PATJ: variants seen among roughly 807,000 people sequenced by gnomAD.
PATJ encodes inaD-like protein.
PATJ carries 190 observed loss-of-function variants against 224.9 expected under a neutral mutation model. That is an observed-to-expected ratio of 0.84 (90% CI 0.75 to 0.95). The LOEUF is 0.95. Ranked by LOEUF, PATJ falls within the 40% of genes least tolerant of loss-of-function variation. PATJ has a pLI of 0.00. For synonymous variants in PATJ, 769 were observed against 820.3 expected (o/e 0.94, Z 1.07); for missense variants, 2,121 against 2,270.3 (o/e 0.93, Z 1.34).
At chr1:61,783,428 T>TC (rs1196523322) in intron 7 of PATJ, among the ~76,000 whole-genome samples, 2 of 148,472 alleles carry the variant, frequency 1.3e-5, no homozygotes, top group Non-Finnish European at 3.0e-5. Context: ...CTTTTCTTTT[T>TC]TTTTTTTTTT....
At chr1:62,014,049 C>T (rs1646620098) in intron 28 of PATJ, among the ~76,000 whole-genome samples, 1 of 152,148 alleles carries the variant, frequency 6.6e-6, no homozygotes, top group African/African-American at 2.4e-5. Flanking sequence ...ACTGGGATTA[C>T]AGGCATGGGC....
At chr1:61,846,720 G>A (rs996869540) in intron 17 of PATJ, among the ~76,000 whole-genome samples, 10 of 152,052 alleles carry the variant, frequency 6.6e-5, no homozygotes, top group South Asian at 6.2e-4. Flanking sequence ...CCTCAGCCTC[G>A]CGAGTAGCTG....
intron 7 of PATJ, among the ~76,000 whole-genome samples, chr1:61,781,894 A>G (rs1033994851): frequency 2.0e-5 from 3 of 152,222 alleles, no homozygotes; most frequent in Admixed American, 6.5e-5. Flanking sequence ...TCCGCTCCCC[A>G]TGGAGTCATA....
At chr1:61,871,491 A>ACATATATATGTGTATACTATATG (rs1159325107) in intron 20 of PATJ, among the ~76,000 whole-genome samples, 1 of 112,856 alleles carries the variant, frequency 8.9e-6, no homozygotes, top group East Asian at 2.1e-4. Context: ...ATGTGTATAT[A>ACATATATATGTGTATACTATATG]TGTATATATA....
rs540543829 is a variant in PATJ at position 61,925,607 on chromosome 1, C to G, written c.3571-2123C>G. Among the ~76,000 whole-genome samples the G allele has an allele frequency of 2.6e-4, 39 of 152,272 alleles. No homozygotes were observed. In the South Asian group the frequency reaches 7.7e-3, roughly 30 times the overall value. ...GGCTTAAACAGCTCATGAATTGCAT[C>G]TCTGAGGCATCACAATTTAATTGGT... is the stretch of plus-strand genomic sequence containing the variant. On this transcript the variant is annotated intron_variant, in intron 26 of 43. Coordinates refer to ENST00000642238, the MANE Select transcript of PATJ (RefSeq NM_001350145.3).
At chr1:61,987,577 G>A (rs1277726602) in intron 27 of PATJ, among the ~76,000 whole-genome samples, 1 of 152,108 alleles carries the variant, frequency 6.6e-6, no homozygotes, top group Admixed American at 6.5e-5. Context: ...GGTCTTAAAT[G>A]GAGCCTCCTC....
In PATJ at chr1:61,864,578, G is replaced by A. The variant is rs776123818; in HGVS notation, c.2780G>A (p.Gly927Glu). 5.0e-6 allele frequency: 8 copies of A among 1,610,616 alleles called. No individual in the cohort carries two copies. The South Asian group carries it at 8.8e-5, about 18-fold the overall frequency. The change falls in exon 20 of 44, where the codon GGG becomes GAG. Residue 927 changes from glycine to glutamate, a missense_variant. Coordinates refer to ENST00000642238, the MANE Select transcript of PATJ (RefSeq NM_001350145.3). The stretch of plus-strand genomic sequence containing the variant: ...TCCGAGTCTCAAGAGGCAAGAACCG[G>A]GAGGACTGTCTATTCCCAGGAGGCA... Reference protein sequence around the residue: ...EPSESQEARTGRTVYSQEAQP... With the variant: ...EPSESQEARTERTVYSQEAQP...
intron 42 of PATJ, among the ~76,000 whole-genome samples, chr1:62,150,775 A>G (rs1349338792): frequency 2.6e-5 from 4 of 151,610 alleles, no homozygotes; most frequent in Non-Finnish European, 2.9e-5. Context: ...CAGCACTTTG[A>G]GAGGCCAAGG....
chr1:61,794,840 T>C (rs6664979), intron 9 of PATJ, among the ~76,000 whole-genome samples: 24,717 of 151,708 alleles, frequency 0.16, 2,434 homozygotes, highest in East Asian at 0.47. Flanking sequence ...TTACGAAAGT[T>C]ATCTGGGTGT....
At chr1:61,899,531 A>C (rs1670828350) in intron 22 of PATJ, 52 bp from the exon 23 acceptor site, 1 of 1,261,734 alleles carries the variant, frequency 7.9e-7, no homozygotes, top group South Asian at 1.3e-5. Flanking sequence ...AGGACCTTTA[A>C]TAATGAGTAT....
chr1:62,121,221 T>A lies in PATJ; in HGVS notation c.4931T>A (p.Phe1644Tyr), dbSNP rs1558196931. 6.2e-7 allele frequency: 1 copy of A among 1,614,002 alleles called. No individual in the cohort carries two copies. Among genetic ancestry groups the A allele is most frequent in the Middle Eastern group, 1.7e-4 (1 of 6,060 alleles). ...GCACACAGCAGCTGTCATCCCTCCT[T>A]CGCTCCTGTCATCACTGGCCTGCAA... Reference protein sequence around the residue: ...QSAHSSCHPSFAPVITGLQNL... With the variant: ...QSAHSSCHPSYAPVITGLQNL... Residue 1644 changes from phenylalanine (F) to tyrosine (Y), a missense_variant, in exon 38 of 44, where the codon TTC becomes TAC. By Grantham distance (22) the Phe-to-Tyr change is conservative. Transcript: ENST00000642238.
At chr1:61,746,040 G>A (rs1012081665) in intron 1 of PATJ, among the ~76,000 whole-genome samples, 18 of 151,986 alleles carry the variant, frequency 1.2e-4, no homozygotes, top group Non-Finnish European at 1.6e-4. Flanking sequence ...CTGGGTTCAA[G>A]CGATTGTCCT....
intron 33 of PATJ, among the ~76,000 whole-genome samples, chr1:62,100,572 A>T (rs115350099): frequency 0.014 from 2,091 of 152,338 alleles, 44 homozygotes; most frequent in African/African-American, 0.048. Context: ...TTAAATTTCA[A>T]CATGAATTTT....
At chr1:61,950,127 C>T (rs1172702999) in intron 27 of PATJ, among the ~76,000 whole-genome samples, 3 of 151,784 alleles carry the variant, frequency 2.0e-5, no homozygotes, top group Non-Finnish European at 4.4e-5. Context: ...TCGCTTGAAC[C>T]CAGGAGGCGG....
intron 33 of PATJ, among the ~76,000 whole-genome samples, chr1:62,097,451 C>T (rs1236271384): frequency 6.6e-6 from 1 of 152,218 alleles, no homozygotes; most frequent in East Asian, 1.9e-4. Flanking sequence ...AATTTTAGCT[C>T]TTGCTCTCCT....
intron 43 of PATJ, among the ~76,000 whole-genome samples, chr1:62,155,823 C>A (rs1451612949): frequency 6.6e-6 from 1 of 150,600 alleles, no homozygotes; most frequent in African/African-American, 2.4e-5. Context: ...TTTGGGAGGC[C>A]GAGGCAGGCA....
chr1:61,855,270 G>A (rs543341403), intron 17 of PATJ, among the ~76,000 whole-genome samples: 2 of 152,238 alleles, frequency 1.3e-5, no homozygotes, highest in East Asian at 1.9e-4. Flanking sequence ...CCCAGACCTC[G>A]TATGGTCCAG....
rs1357638316 is a variant in PATJ at position 62,106,154 on chromosome 1, G to GTATATATATATATATATA, written c.4378-2282_4378-2281insATATATATATATATATAT. Reference sequence around the variant, plus strand: ...TATATACATGTGTATATGTGTGTGTGTGTGTATATATATATATATATATAT... The same window carrying GTATATATATATATATATA: ...TATATACATGTGTATATGTGTGTGTGTATATATATATATATATATGTGTATATATATATATATATATAT... On this transcript the variant is annotated intron_variant, in intron 33 of 43. Transcript: ENST00000642238. 5.2e-4 allele frequency among the ~76,000 whole-genome samples: 25 copies of GTATATATATATATATATA among 48,436 alleles called. 1 individual carries two copies. The highest frequency in any genetic ancestry group is 1.9e-3 in the African/African-American group (22 of 11,840). The allele number at this position is 48,436 out of a possible 152,430, so 31.8% of individuals were successfully genotyped here.
Position 62,143,713 on chromosome 1 carries a change from G to A in PATJ, c.5272-4571G>A, listed in dbSNP as rs534483110. Among the ~76,000 whole-genome samples, 1,013 of 152,216 alleles carry A rather than the reference G, an allele frequency of 6.7e-3. 12 individuals are homozygous for A. The highest frequency in any genetic ancestry group is 0.023 in the African/African-American group (968 of 41,542). On this transcript the variant is annotated intron_variant, in intron 41 of 43. Transcript: ENST00000642238. Reference sequence around the variant, plus strand: ...GATCCAGCCCACTCTGCCTCCCAAAGTGCTGGGATTACAGGCGTGAGCCAC... The same window carrying A: ...GATCCAGCCCACTCTGCCTCCCAAAATGCTGGGATTACAGGCGTGAGCCAC...
Sources: allele counts gnomAD v4.1 joint callset (sites outside exome capture counted in the v4.1 genomes callset), GRCh38; gene constraint gnomAD v4.1.1; transcripts MANE v1.5; gene names NCBI Gene and HGNC (gene_info 2026-07-23, HGNC 2026-07-21).